The following ZBTB44 variants were observed in gnomAD, a reference collection of about 807,000 sequenced individuals.
The protein encoded by ZBTB44 is zinc finger and BTB domain containing 44.
In ZBTB44, 15 loss-of-function variants were observed where a neutral mutation model predicts 54.0. The observed-to-expected ratio is 0.28, with a 90% CI of 0.19 to 0.43. The LOEUF (loss-of-function observed/expected upper bound fraction) is 0.43, where lower values mean the gene tolerates loss of function less well. Ranked by LOEUF, ZBTB44 falls within the 20% of genes least tolerant of loss-of-function variation. The probability of loss-of-function intolerance (pLI) is 1.00; values close to 1 mark genes in which losing one functional copy is unlikely to be tolerated. For missense variants in ZBTB44, 487 were observed against 707.1 expected (o/e 0.69, Z 3.53); for synonymous variants, 230 against 250.1 (o/e 0.92, Z 0.76).
intron 1 of ZBTB44, among the ~76,000 whole-genome samples, chr11:130,286,691 A>G (rs931831718): frequency 4.6e-5 from 7 of 152,268 alleles, no homozygotes; most frequent in African/African-American, 1.7e-4. Context: ...TTCAATTATC[A>G]ATGAATATAT....
chr11:130,274,981 G>A (rs1939953675), intron 1 of ZBTB44, among the ~76,000 whole-genome samples: 1 of 152,196 alleles, frequency 6.6e-6, no homozygotes, highest in Admixed American at 6.5e-5. Context: ...AAAGCTATCT[G>A]AGCCTGGGCT....
intron 1 of ZBTB44, chr11:130,285,173 C>A (rs1168809565): frequency 5.9e-6 from 1 of 169,292 alleles, no homozygotes; most frequent in Non-Finnish European, 1.4e-5. Flanking sequence ...GAGTTCCTCA[C>A]TAGTCTCTTT....
chr11:130,251,782 G>A (rs1938025687), intron 2 of ZBTB44, among the ~76,000 whole-genome samples: 3 of 150,156 alleles, frequency 2.0e-5, no homozygotes, highest in African/African-American at 7.6e-5. Flanking sequence ...ACTAAATATG[G>A]AAAGGAAAAA....
Position 130,261,769 on chromosome 11 carries a change from A to G in ZBTB44, c.105T>C (p.Ile35=). The change falls in exon 2 of 8, where the codon ATT becomes ATC. Residue 35 remains isoleucine, a synonymous_variant. Coordinates refer to ENST00000357899, the MANE Select transcript of ZBTB44 (RefSeq NM_001301098.2). This position sits in a 1 kb window ranked among gnomAD's most constrained non-coding sequence, Gnocchi z 4.8. ...RNDGHFCDIT[I]RVQDKIFRAH... ...CCCGGAAGATTTTGTCCTGGACACG[A>G]ATAGTGATATCACAAAAATGTCCAT... 6.2e-7 allele frequency: 1 copy of G among 1,614,064 alleles called. No individual in the cohort carries two copies. The highest frequency in any genetic ancestry group is 8.5e-7 in the Non-Finnish European group (1 of 1,179,896).
intron 1 of ZBTB44, among the ~76,000 whole-genome samples, chr11:130,263,758 A>G (rs932327541): frequency 7.9e-5 from 12 of 152,206 alleles, no homozygotes; most frequent in East Asian, 3.8e-4. Context: ...GTGTTCAAAG[A>G]GTAGATATGA....
At chr11:130,299,849 A>G (rs1217027866) in intron 1 of ZBTB44, among the ~76,000 whole-genome samples, 1 of 152,242 alleles carries the variant, frequency 6.6e-6, no homozygotes, top group Non-Finnish European at 1.5e-5. Flanking sequence ...ACACACCAGT[A>G]TTTGTACATT....
At chr11:130,242,392 A>T (rs1400197711) in intron 2 of ZBTB44, among the ~76,000 whole-genome samples, 1 of 152,190 alleles carries the variant, frequency 6.6e-6, no homozygotes, top group Non-Finnish European at 1.5e-5. Flanking sequence ...TCATATATAC[A>T]TGTTCTCACA....
intron 2 of ZBTB44, among the ~76,000 whole-genome samples, chr11:130,254,401 G>GA (rs1938271713): frequency 6.6e-6 from 1 of 151,880 alleles, no homozygotes; most frequent in Admixed American, 6.6e-5. Context: ...AACCCCATCA[G>GA]AAAGTGGGAG....
At chr11:130,262,328 G>A (rs897512023) in intron 1 of ZBTB44, among the ~76,000 whole-genome samples, 2 of 151,930 alleles carry the variant, frequency 1.3e-5, no homozygotes, top group African/African-American at 4.8e-5. Context: ...TTGTAGAGAT[G>A]GGGTTTCACC....
At chr11:130,244,683 A>AAAAAG (rs1288815160) in intron 2 of ZBTB44, among the ~76,000 whole-genome samples, 111 of 79,196 alleles carry the variant, frequency 1.4e-3, no homozygotes, top group African/African-American at 3.0e-3. Flanking sequence ...AAAAAAAAAA[A>AAAAAG]AAAGAAAGAA....
At chr11:130,244,072 T>C (rs1305535758) in intron 2 of ZBTB44, among the ~76,000 whole-genome samples, 2 of 152,228 alleles carry the variant, frequency 1.3e-5, no homozygotes, top group African/African-American at 4.8e-5. Flanking sequence ...AAGGCAAAAC[T>C]GATTTTAGTG....
At chr11:130,298,652 G>A (rs966723926) in intron 1 of ZBTB44, among the ~76,000 whole-genome samples, 10 of 150,960 alleles carry the variant, frequency 6.6e-5, no homozygotes, top group Non-Finnish European at 1.2e-4. Context: ...TAGTAGAGAC[G>A]GAGTTTCACC....
chr11:130,253,052 T>C (rs1402916479), intron 2 of ZBTB44, among the ~76,000 whole-genome samples: 1 of 152,198 alleles, frequency 6.6e-6, no homozygotes, highest in Non-Finnish European at 1.5e-5. Context: ...TAGGTATTAA[T>C]GGGATGTATC....
chr11:130,261,447 C>G lies in ZBTB44; in HGVS notation c.427G>C (p.Ala143Pro). The G allele has an allele frequency of 6.2e-7, 1 of 1,613,980 alleles. No individual in the cohort carries two copies. The highest frequency in any genetic ancestry group is 8.5e-7 in the Non-Finnish European group (1 of 1,179,888). ...CAGTTAGAATTATTTTCTTGTCCAGCATCTAGACCCTTTTCAGGTTGGCTG... is the reference window on the plus strand; with the variant it reads ...CAGTTAGAATTATTTTCTTGTCCAGGATCTAGACCCTTTTCAGGTTGGCTG... ...PNSQPEKGLD[A>P]GQENNSNCNF... Residue 143 changes from alanine to proline, a missense_variant, in exon 2 of 8, where the codon GCT (alanine) becomes CCT (proline). Physicochemically the swap from Ala to Pro is conservative, Grantham distance 27. Around this residue, in one of 3 missense-constraint regions of ZBTB44, gnomAD observed 277 missense variants for 306.5 expected, o/e 0.90. Coordinates refer to ENST00000357899, the MANE Select transcript of ZBTB44 (RefSeq NM_001301098.2). The surrounding 1 kb of genome is among the most constrained non-coding windows in gnomAD (Gnocchi z 4.8).
intron 1 of ZBTB44, among the ~76,000 whole-genome samples, chr11:130,303,665 CA>C (rs984448751): frequency 6.6e-6 from 1 of 151,680 alleles, no homozygotes; most frequent in Admixed American, 6.6e-5. Context: ...CAAAAAAACC[CA>C]AAAAAACACC....
intron 2 of ZBTB44, among the ~76,000 whole-genome samples, chr11:130,253,200 G>T (rs1411928158): frequency 6.6e-6 from 1 of 152,186 alleles, no homozygotes; most frequent in African/African-American, 2.4e-5. Flanking sequence ...TCAACACAGT[G>T]TTGGAAGTTC....
chr11:130,268,002 G>A (rs900303356), intron 1 of ZBTB44, among the ~76,000 whole-genome samples: 5 of 151,640 alleles, frequency 3.3e-5, no homozygotes, highest in African/African-American at 1.2e-4. Context: ...CCCGGGAGGT[G>A]GAGGCTGCAG....
intron 1 of ZBTB44, among the ~76,000 whole-genome samples, chr11:130,294,870 A>G (rs1002099567): frequency 2.0e-5 from 3 of 152,242 alleles, no homozygotes; most frequent in African/African-American, 7.2e-5. Flanking sequence ...TACATGAGCA[A>G]GTAAAATTCA....
intron 1 of ZBTB44, among the ~76,000 whole-genome samples, chr11:130,282,942 A>G (rs973768329): frequency 7.9e-5 from 12 of 151,718 alleles, no homozygotes; most frequent in African/African-American, 2.7e-4. Context: ...TCTCCTAAGT[A>G]GCTGGGACTA....
Sources: allele counts gnomAD v4.1 joint callset (sites outside exome capture counted in the v4.1 genomes callset), GRCh38; gene constraint gnomAD v4.1.1; regional missense constraint gnomAD v4.1.1; non-coding constraint Gnocchi (gnomAD v3.1); transcripts MANE v1.5; gene names NCBI Gene and HGNC (gene_info 2026-07-23, HGNC 2026-07-21).